The following UNC79 variants were observed in gnomAD, a reference collection of about 807,000 sequenced individuals.
UNC79 encodes the protein unc-79 subunit of NALCN channel complex, also known as protein unc-79 homolog.
Under a neutral mutation model 283.1 loss-of-function variants are expected in UNC79, and 37 were observed. The ratio of observed to expected loss-of-function variants is 0.13; its 90% CI spans 0.10 to 0.17. The LOEUF (loss-of-function observed/expected upper bound fraction) is 0.17, where lower values mean the gene tolerates loss of function less well. Among genes scored for constraint, UNC79 ranks in the 10% least tolerant of loss-of-function variants. The pLI, the probability that UNC79 is intolerant of heterozygous loss-of-function variation, is 1.00. For missense variants in UNC79, 2,272 were observed against 3,211.1 expected, an observed-to-expected ratio of 0.71 and a Z score of 7.07; for synonymous variants, 1,107 against 1,200.2, an observed-to-expected ratio of 0.92 and a Z score of 1.61.
chr14:93,399,848 G>T (rs1488057034), intron 1 of UNC79, among the ~76,000 whole-genome samples: 1 of 152,142 alleles, frequency 6.6e-6, no homozygotes, highest in Non-Finnish European at 1.5e-5. Flanking sequence ...ACATGTGTGT[G>T]TATAGAAAAC....
At chr14:93,542,161 T>C (rs887700733) in intron 13 of UNC79, among the ~76,000 whole-genome samples, 4 of 152,162 alleles carry the variant, frequency 2.6e-5, no homozygotes, top group Non-Finnish European at 4.4e-5. Flanking sequence ...ATTGATGAAA[T>C]ATCATTTTGT....
chr14:93,466,227 A>G (rs1309127445), intron 1 of UNC79, among the ~76,000 whole-genome samples: 1 of 152,250 alleles, frequency 6.6e-6, no homozygotes, highest in African/African-American at 2.4e-5. Context: ...TATTATGGAA[A>G]TAGTTCAGGT....
chr14:93,556,818 T>A (rs749885772), intron 14 of UNC79, among the ~76,000 whole-genome samples: 11 of 152,102 alleles, frequency 7.2e-5, no homozygotes, highest in South Asian at 2.1e-4. Context: ...TAGAGCTCTT[T>A]AAAAAAAACT....
At chr14:93,622,236 C>T (rs767881301) in exon 30 of UNC79, 2 of 1,614,126 alleles carry the variant, frequency 1.2e-6, no homozygotes, top group African/African-American at 1.3e-5. Context: ...GCCTCTTCTC[C>T]CTCCGTCCCC....
intron 14 of UNC79, among the ~76,000 whole-genome samples, chr14:93,558,448 C>T (rs2062316022): frequency 6.6e-6 from 1 of 151,282 alleles, no homozygotes; most frequent in Non-Finnish European, 1.5e-5. Context: ...CCCAGCTACT[C>T]AGGAGGCTGA....
At chr14:93,391,590 T>G (rs910908154) in intron 1 of UNC79, among the ~76,000 whole-genome samples, 1 of 152,162 alleles carries the variant, frequency 6.6e-6, no homozygotes, top group Non-Finnish European at 1.5e-5. Flanking sequence ...GACAAAAGCC[T>G]TGTATCTATA....
chr14:93,501,796 A>AAAACCTAT (rs2059305149), intron 7 of UNC79, among the ~76,000 whole-genome samples: 1 of 152,238 alleles, frequency 6.6e-6, no homozygotes, highest in Admixed American at 6.5e-5. Context: ...GGTGAACTTT[A>AAAACCTAT]AAACCTATAA....
rs918358784 is a variant in UNC79, at chr14:93,617,720, G to A, written c.4224+416G>A. Among the ~76,000 whole-genome samples, 2 of 152,186 alleles carry A rather than the reference G, an allele frequency of 1.3e-5. No individual in the cohort carries two copies. The highest frequency in any genetic ancestry group is 4.8e-5 in the African/African-American group (2 of 41,446). ...CATTGCTGTCAGTGGTTTGGTGAAGGAGGAAATGAATATGGTCCCTTGTAA... is the reference window on the plus strand; with the variant it reads ...CATTGCTGTCAGTGGTTTGGTGAAGAAGGAAATGAATATGGTCCCTTGTAA... On this transcript the variant is annotated intron_variant, in intron 28 of 48. Coordinates refer to ENST00000555664, the Ensembl canonical transcript of UNC79. The surrounding 1 kb of genome is among the most constrained non-coding windows in gnomAD (Gnocchi z 4.5).
intron 1 of UNC79, among the ~76,000 whole-genome samples, chr14:93,373,754 G>C (rs949810839): frequency 1.3e-5 from 2 of 152,114 alleles, no homozygotes; most frequent in African/African-American, 2.4e-5. Context: ...AACACATTCT[G>C]CAAGGCCAGC....
At position 93,532,459 on chromosome 14, in the gene UNC79, G is replaced by A. The variant is rs920997593; in HGVS notation, c.1094-91G>A. On this transcript the variant is annotated intron_variant, in intron 10 of 48. Transcript: ENST00000555664. ...CACTCCAGCCTGATTGACAGAGTGA[G>A]CCACTGTCTCAAAAAATAAATTAAT... The A allele has an allele frequency of 5.7e-5, 83 of 1,447,044 alleles. 1 individual carries two copies. The highest frequency in any genetic ancestry group is 2.1e-4 in the Admixed American group (11 of 52,582). 89.6% of individuals were successfully genotyped at this position (1,447,044 alleles called of 1,614,324 possible).
chr14:93,512,094 T>A (rs546483801), intron 7 of UNC79, among the ~76,000 whole-genome samples: 1 of 152,348 alleles, frequency 6.6e-6, no homozygotes, highest in South Asian at 2.1e-4. Context: ...CTTTATTGCC[T>A]GTGTTATTTA....
At chr14:93,469,648 A>G (rs2057399401) in intron 2 of UNC79, among the ~76,000 whole-genome samples, 1 of 152,110 alleles carries the variant, frequency 6.6e-6, no homozygotes, top group Non-Finnish European at 1.5e-5. Context: ...AGAAGTCTCA[A>G]ACTTCAAGTT....
intron 1 of UNC79, among the ~76,000 whole-genome samples, chr14:93,384,782 T>C (rs1429758274): frequency 6.6e-6 from 1 of 152,208 alleles, no homozygotes; most frequent in South Asian, 2.1e-4. Context: ...AGAGTTTCTC[T>C]AATGTTTTCT....
At chr14:93,429,510 T>A (rs1002896311), upstream of UNC79, among the ~76,000 whole-genome samples, 5 of 152,372 alleles carry the variant, frequency 3.3e-5, no homozygotes, top group African/African-American at 7.2e-5. Flanking sequence ...TAGATTTTTT[T>A]ATTTGCTACT....
intron 1 of UNC79, among the ~76,000 whole-genome samples, chr14:93,433,605 G>A (rs1293700307): frequency 6.6e-6 from 1 of 152,058 alleles, no homozygotes; most frequent in Non-Finnish European, 1.5e-5. Context: ...GAATGGGAGA[G>A]CTCGTTTCTC....
In UNC79 at chr14:93,580,115, TGTGTGC is replaced by T. The variant is rs761794274; in HGVS notation, c.2434-28_2434-23del. 1.6e-5 allele frequency: 25 copies of T among 1,546,088 alleles called. No homozygotes were observed. The African/African-American group carries it at 3.0e-4, about 19-fold the overall frequency. ...CTTCTTCTTCTTTTTTTTTTGTGTG[TGTGTGC>T]GTGTGTCCTTTTTTTGATGTCTTTC... On this transcript the variant is annotated intron_variant, in intron 18 of 48. Transcript: ENST00000555664.
At chr14:93,377,729 G>A (rs547192055) in intron 1 of UNC79, among the ~76,000 whole-genome samples, 1 of 152,218 alleles carries the variant, frequency 6.6e-6, no homozygotes, top group Non-Finnish European at 1.5e-5. Flanking sequence ...TTTGGAAAGG[G>A]GTAATCTACT....
chr14:93,395,797 T>C (rs1301459509), intron 1 of UNC79, among the ~76,000 whole-genome samples: 1 of 152,196 alleles, frequency 6.6e-6, no homozygotes, highest in East Asian at 1.9e-4. Context: ...CATATATACA[T>C]GGTGGTTTGT....
intron 40 of UNC79, among the ~76,000 whole-genome samples, chr14:93,670,097 C>CATGTA (rs2072674134): frequency 6.6e-6 from 1 of 151,920 alleles, no homozygotes; most frequent in African/African-American, 2.4e-5. Flanking sequence ...AGTGTTCGGT[C>CATGTA]CATCTTCTGA....
Sources: gnomAD v4.1 joint callset for allele counts (sites outside exome capture counted in the v4.1 genomes callset) on GRCh38, gnomAD v4.1.1 for gene constraint, Gnocchi (gnomAD v3.1) non-coding constraint, MANE v1.5 for transcripts, NCBI Gene and HGNC (gene_info 2026-07-23, HGNC 2026-07-21) for gene names.